RAB38: variants seen among roughly 807,000 people sequenced by gnomAD.
The protein encoded by RAB38 is RAB38, member RAS oncogene family, also known as ras-related protein Rab-38.
In RAB38, 15 loss-of-function variants were observed where a neutral mutation model predicts 18.4. The ratio of observed to expected loss-of-function variants is 0.82; its 90% CI spans 0.55 to 1.26. The LOEUF is 1.26. Among genes scored for constraint, RAB38 ranks in the 50% most tolerant of loss-of-function variants. The pLI is 0.00. For missense variants in RAB38, 294 were observed against 267.4 expected, an observed-to-expected ratio of 1.10 and a Z score of -0.69; for synonymous variants, 101 against 104.4, an observed-to-expected ratio of 0.97 and a Z score of 0.20.
chr11:88,152,353 ATTTT>A (rs1943072361), intron 1 of RAB38, among the ~76,000 whole-genome samples: 1 of 152,212 alleles, frequency 6.6e-6, no homozygotes, highest in African/African-American at 2.4e-5. Flanking sequence ...ATAAAGAGTT[ATTTT>A]AAGACCATAC....
At chr11:87,941,264 G>A in the RAB38 span, among the ~76,000 whole-genome samples, 7 of 43,686 alleles carry the variant, frequency 1.6e-4, no homozygotes, top group Non-Finnish European at 2.2e-4. Flanking sequence ...CTATTTTCTC[G>A]CTTCAAATAC....
At chr11:87,922,851 CAG>C in the RAB38 span, among the ~76,000 whole-genome samples, 3 of 141,524 alleles carry the variant, frequency 2.1e-5, no homozygotes, top group South Asian at 2.2e-4. Flanking sequence ...ACAGCGGAAA[CAG>C]AGAGGAGGAA....
intron 2 of RAB38, among the ~76,000 whole-genome samples, chr11:88,133,932 T>C (rs563356792): frequency 6.6e-6 from 1 of 152,348 alleles, no homozygotes; most frequent in South Asian, 2.1e-4. Context: ...CATTTTTTCA[T>C]CTAAATGTGG....
chr11:87,931,946 G>A, the RAB38 span, among the ~76,000 whole-genome samples: 2 of 151,942 alleles, frequency 1.3e-5, no homozygotes, highest in South Asian at 4.2e-4. Flanking sequence ...GGAGGGGTGG[G>A]GTGGGGTGGT....
chr11:87,856,251 A>ATGAC, the RAB38 span, among the ~76,000 whole-genome samples: 1 of 152,178 alleles, frequency 6.6e-6, no homozygotes, highest in East Asian at 1.9e-4. Context: ...GTCCACTTCC[A>ATGAC]TGACTGGCAC....
the RAB38 span, among the ~76,000 whole-genome samples, chr11:88,031,794 G>A: frequency 6.6e-6 from 1 of 152,068 alleles, no homozygotes; most frequent in African/African-American, 2.4e-5. Flanking sequence ...CGTGAAAATG[G>A]CCATACTGCC....
chr11:87,825,554 C>T, the RAB38 span, among the ~76,000 whole-genome samples: 1,659 of 152,128 alleles, frequency 0.011, 37 homozygotes, highest in African/African-American at 0.038. Flanking sequence ...TGGACTAGGG[C>T]CACCCTTATG....
chr11:87,937,870 G>GTTTTTTTTT, the RAB38 span, among the ~76,000 whole-genome samples: 2 of 92,020 alleles, frequency 2.2e-5, no homozygotes, highest in African/African-American at 3.5e-5. Context: ...TCATTGAAGT[G>GTTTTTTTTT]TTTTTTTTTT....
chr11:88,121,852 G>A (rs1365956414), intron 2 of RAB38, among the ~76,000 whole-genome samples: 7 of 151,480 alleles, frequency 4.6e-5, no homozygotes, highest in Non-Finnish European at 5.9e-5. Context: ...GTGAGCTGCC[G>A]CGCCGGCCCA....
intron 2 of RAB38, among the ~76,000 whole-genome samples, chr11:88,133,766 C>T (rs905173268): frequency 1.1e-4 from 16 of 152,098 alleles, no homozygotes; most frequent in African/African-American, 3.9e-4. Context: ...CAGTTTACTA[C>T]TCAGAAGAAT....
chr11:88,033,106 T>G, the RAB38 span, among the ~76,000 whole-genome samples: 1 of 152,060 alleles, frequency 6.6e-6, no homozygotes, highest in African/African-American at 2.4e-5. Flanking sequence ...AAATCATCAT[T>G]CTCAGCAAAC....
At chr11:88,009,771 A>G in the RAB38 span, among the ~76,000 whole-genome samples, 1 of 152,196 alleles carries the variant, frequency 6.6e-6, no homozygotes, top group Non-Finnish European at 1.5e-5. Context: ...TTGGGGTTTC[A>G]TTGTGGCTGA....
the RAB38 span, among the ~76,000 whole-genome samples, chr11:87,971,059 A>G: frequency 6.6e-6 from 1 of 152,096 alleles, no homozygotes; most frequent in African/African-American, 2.4e-5. Context: ...ATCTAGGGCC[A>G]CATTCCAATG....
chr11:87,871,487 T>G, the RAB38 span, among the ~76,000 whole-genome samples: 2 of 151,690 alleles, frequency 1.3e-5, no homozygotes, highest in African/African-American at 4.8e-5. Flanking sequence ...ATACCTATGT[T>G]TAAAATTCTT....
the RAB38 span, among the ~76,000 whole-genome samples, chr11:88,028,649 T>C: frequency 6.6e-6 from 1 of 151,878 alleles, no homozygotes; most frequent in African/African-American, 2.4e-5. Flanking sequence ...ATGAAATGAA[T>C]GAAATGAAGC....
chr11:88,010,051 GT>G, the RAB38 span, among the ~76,000 whole-genome samples: 1 of 152,114 alleles, frequency 6.6e-6, no homozygotes, highest in Admixed American at 6.6e-5. Context: ...ATGAAACAAG[GT>G]TCTGACTGTG....
At chr11:88,145,328 T>C (rs1024520319) in intron 2 of RAB38, among the ~76,000 whole-genome samples, 4 of 152,076 alleles carry the variant, frequency 2.6e-5, no homozygotes, top group African/African-American at 7.2e-5. Context: ...TTTGTATTTT[T>C]AGTAGAGACG....
chr11:88,078,039 G>A, the RAB38 span, among the ~76,000 whole-genome samples: 1 of 151,904 alleles, frequency 6.6e-6, no homozygotes, highest in South Asian at 2.1e-4. Context: ...CTCAAAAGAA[G>A]ACCTGCAAAT....
the RAB38 span, among the ~76,000 whole-genome samples, chr11:87,895,570 G>A: frequency 7.2e-5 from 11 of 151,750 alleles, no homozygotes; most frequent in South Asian, 2.3e-3. Context: ...TTTTACAGAT[G>A]AGCAACTAAG....
Sources: allele counts gnomAD v4.1 joint callset (sites outside exome capture counted in the v4.1 genomes callset), GRCh38; gene constraint gnomAD v4.1.1; transcripts MANE v1.5; gene names NCBI Gene and HGNC (gene_info 2026-07-23, HGNC 2026-07-21).